The following PLEKHB1 variants were observed in gnomAD, a reference collection of about 807,000 sequenced individuals.
The protein encoded by PLEKHB1 is pleckstrin homology domain containing B1, also known as pleckstrin homology domain-containing family B member 1.
In PLEKHB1, 29 loss-of-function variants were observed where a neutral mutation model predicts 36.2. That is an observed-to-expected ratio of 0.80 (90% CI 0.60 to 1.09). PLEKHB1 has a LOEUF of 1.09. PLEKHB1 is among the 50% of genes least tolerant of loss of function. PLEKHB1 has a pLI of 0.00. For missense variants in PLEKHB1, 330 were observed against 348.2 expected (o/e 0.95, Z 0.42); for synonymous variants, 138 against 140.0 (o/e 0.99, Z 0.10).
In PLEKHB1 at chr11:73,661,627, C is replaced by G; in HGVS notation, c.*25C>G. Reference sequence around the variant, plus strand: ...AGCCCTGGGACTCGGAGCACTGACCCCTGCGCTTGGATTGCTAGACTCCTC... The same window carrying G: ...AGCCCTGGGACTCGGAGCACTGACCGCTGCGCTTGGATTGCTAGACTCCTC... On this transcript the variant is annotated 3_prime_UTR_variant, in exon 8 of 8. Transcript: ENST00000354190. The surrounding 1 kb of genome is among the most constrained non-coding windows in gnomAD (Gnocchi z 4.6). The G allele has an allele frequency of 6.5e-7, 1 of 1,546,404 alleles. No individual in the cohort carries two copies. The highest frequency in any genetic ancestry group is 8.7e-7 in the Non-Finnish European group (1 of 1,149,866).
At chr11:73,649,109 G>A (rs1231903807) in intron 2 of PLEKHB1, 22 bp downstream of exon 2, 15 of 1,579,774 alleles carry the variant, frequency 9.5e-6, no homozygotes, top group Non-Finnish European at 1.0e-5. Context: ...TGGGCCCCTG[G>A]TCCTGGGGCA....
chr11:73,650,752 C>T lies in PLEKHB1; in HGVS notation c.247+47C>T, dbSNP rs117211429. On this transcript the variant is annotated intron_variant, in intron 3 of 7. Transcript: ENST00000354190. Reference sequence around the variant, plus strand: ...TGTGGCACCGTGACTGTGGGCAGAGCCTCCCGCTGTCTCCGAGAACACTTG... The same window carrying T: ...TGTGGCACCGTGACTGTGGGCAGAGTCTCCCGCTGTCTCCGAGAACACTTG... The T allele has an allele frequency of 1.3e-5, 20 of 1,520,100 alleles. No individual in the cohort carries two copies. In the East Asian group the frequency reaches 2.4e-4, roughly 18 times the overall value. The allele number at this position is 1,520,100 out of a possible 1,614,324, so 94.2% of individuals were successfully genotyped here.
In PLEKHB1 at chr11:73,662,499, C is replaced by G. The variant is rs761484655; in HGVS notation, c.*897C>G. 6.6e-6 allele frequency: 1 copy of G among 152,552 alleles called. No individual in the cohort carries two copies. Among genetic ancestry groups the G allele is most frequent in the Non-Finnish European group, 1.5e-5 (1 of 68,136 alleles). The allele number at this position is 152,552 out of a possible 1,614,324, so 9.4% of individuals were successfully genotyped here. ...TGCCTCTCACACCAGGAGCTCGGCC[C>G]TCTCTTTGTAGCTGTGACTGTCACC... is the stretch of plus-strand genomic sequence containing the variant. On this transcript the variant is annotated 3_prime_UTR_variant, in exon 8 of 8. Transcript: ENST00000354190.
intron 6 of PLEKHB1, among the ~76,000 whole-genome samples, chr11:73,659,035 C>A (rs1335393437): frequency 3.9e-5 from 6 of 152,000 alleles, no homozygotes; most frequent in Non-Finnish European, 8.8e-5. Context: ...ACCAGCCTGG[C>A]GAACATGGTG....
In PLEKHB1 at chr11:73,655,880, C is replaced by A; in HGVS notation, c.468C>A (p.Ser156Arg). The stretch of plus-strand genomic sequence containing the variant: ...TCAGGTGTGTGACCCGCTCGTGGAG[C>A]CCCTGTAAGGTTGAGAGGCGGATCT... ...SKVRCVTRSW[S>R]PCKVERRIWV... Residue 156 changes from serine (S) to arginine (R), a missense_variant, in exon 6 of 8, where the codon AGC becomes AGA. Ser to Arg is a moderately radical substitution (Grantham distance 110, BLOSUM62 -1). Transcript: ENST00000354190. 1.2e-6 allele frequency: 2 copies of A among 1,613,814 alleles called. No individual in the cohort carries two copies. The highest frequency in any genetic ancestry group is 1.7e-6 in the Non-Finnish European group (2 of 1,179,864).
chr11:73,659,830 C>T (rs1351683677), intron 6 of PLEKHB1, among the ~76,000 whole-genome samples: 1 of 152,146 alleles, frequency 6.6e-6, no homozygotes, highest in Non-Finnish European at 1.5e-5. Context: ...GAGCTAATAC[C>T]TGCTTTAAGG....
chr11:73,657,086 T>G (rs1283962062), intron 6 of PLEKHB1, among the ~76,000 whole-genome samples: 1 of 151,972 alleles, frequency 6.6e-6, no homozygotes, highest in African/African-American at 2.4e-5. Flanking sequence ...GTGGTTGCAG[T>G]GAACCAAGAT....
At position 73,650,621 on chromosome 11, in the gene PLEKHB1, C is replaced by A. The variant is rs755040805; in HGVS notation, c.163C>A (p.His55Asn). The A allele has an allele frequency of 6.2e-7, 1 of 1,613,270 alleles. No individual in the cohort carries two copies. Among genetic ancestry groups the A allele is most frequent in the Non-Finnish European group, 8.5e-7 (1 of 1,179,646 alleles). Reference sequence around the variant, plus strand: ...GCTGGACGGGACCCTGGGATACTACCACGATGAGACAGCGCAGGACGAGGA... The same window carrying A: ...GCTGGACGGGACCCTGGGATACTACAACGATGAGACAGCGCAGGACGAGGA... ...LWLDGTLGYY[H>N]DETAQDEEDR... The change falls in exon 3 of 8, where the codon CAC (histidine) becomes AAC (asparagine). Residue 55 changes from histidine (H) to asparagine (N), a missense_variant. Transcript: ENST00000354190.
At chr11:73,655,691 G>A (rs893831394) in intron 5 of PLEKHB1, 112 bp from the exon 6 acceptor site, 1 of 837,110 alleles carries the variant, frequency 1.2e-6, no homozygotes, top group Non-Finnish European at 1.9e-6. Flanking sequence ...CAGCCCAGCT[G>A]GCGGAGGGCT....
rs967074212 is a variant in PLEKHB1 at position 73,654,776 on chromosome 11, G to A, written c.391-1027G>A. Among the ~76,000 whole-genome samples, 42 of 152,218 alleles carry A rather than the reference G, an allele frequency of 2.8e-4. 1 individual carries two copies. The highest frequency in any genetic ancestry group is 2.9e-5 in the Non-Finnish European group (2 of 68,034). On this transcript the variant is annotated intron_variant, in intron 5 of 7. Transcript: ENST00000354190. ...GCCTGGCTGGAGAGCAATTCATGAG[G>A]CGAATGAAACAGGAGAGATGACCTC... is the stretch of plus-strand genomic sequence containing the variant.
intron 6 of PLEKHB1, 61 bp downstream of exon 6, chr11:73,655,968 C>A: frequency 1.4e-6 from 2 of 1,394,724 alleles, no homozygotes; most frequent in Non-Finnish European, 2.0e-6. Context: ...CCTCCAAAAC[C>A]AGGCCCAGTC....
At chr11:73,649,289 A>G (rs1944837377) in intron 2 of PLEKHB1, among the ~76,000 whole-genome samples, 1 of 151,990 alleles carries the variant, frequency 6.6e-6, no homozygotes, top group East Asian at 1.9e-4. Flanking sequence ...CCCATCTCAG[A>G]TGGGCCCCTC....
chr11:73,660,411 C>G (rs1945081044), intron 6 of PLEKHB1: 1 of 256,884 alleles, frequency 3.9e-6, no homozygotes, highest in East Asian at 9.3e-5. Context: ...ACTAGTAGAG[C>G]TGGGTCTTTC....
rs1332159326 is a variant in PLEKHB1 at position 73,651,933 on chromosome 11, A to G, written c.350+43A>G. The G allele has an allele frequency of 1.9e-6, 3 of 1,561,194 alleles. No homozygotes were observed. The African/African-American group carries it at 4.1e-5, about 21-fold the overall frequency. ...GAGGATGGGGTGGAATCTCGGGGAAAGTTACCATGTGCCCCCTTCTCATTG... is the reference window on the plus strand; with the variant it reads ...GAGGATGGGGTGGAATCTCGGGGAAGGTTACCATGTGCCCCCTTCTCATTG... On this transcript the variant is annotated intron_variant, in intron 4 of 7. Transcript: ENST00000354190.
At chr11:73,653,433 G>C (rs1406469950) in intron 5 of PLEKHB1, 1 of 468,846 alleles carries the variant, frequency 2.1e-6, no homozygotes, top group Admixed American at 2.3e-5. Context: ...CTATGGGCCA[G>C]GTGGTGTGCC....
At position 73,650,423 on chromosome 11, in the gene PLEKHB1, G is replaced by A. The variant is rs1944862581; in HGVS notation, c.95-130G>A. On this transcript the variant is annotated intron_variant, in intron 2 of 7. Transcript: ENST00000354190. Reference sequence around the variant, plus strand: ...GAAAGAGGTCCTGCCCTCATTTCAGGGGGTAGACAAGAAAAAGGTGGTTGT... The same window carrying A: ...GAAAGAGGTCCTGCCCTCATTTCAGAGGGTAGACAAGAAAAAGGTGGTTGT... 2.9e-6 allele frequency: 3 copies of A among 1,023,492 alleles called. No homozygotes were observed. The South Asian group carries it at 5.2e-5, about 18-fold the overall frequency. The allele number at this position is 1,023,492 out of a possible 1,614,324, so 63.4% of individuals were successfully genotyped here.
rs964187735 is a variant in PLEKHB1 at position 73,646,595 on chromosome 11, G to T, written c.-14G>T. On this transcript the variant is annotated 5_prime_UTR_variant, in exon 1 of 8. Transcript: ENST00000354190. ...GAGCCTTCTGGGAAATGCTGCCCTG[G>T]CCACCCAGGAACCATGAGCCCTGCA... 8 of 1,551,412 alleles carry T rather than the reference G, an allele frequency of 5.2e-6. No homozygotes were observed. The African/African-American group carries it at 1.1e-4, about 21-fold the overall frequency.
intron 2 of PLEKHB1, among the ~76,000 whole-genome samples, chr11:73,649,358 C>G (rs1027086552): frequency 1.3e-5 from 2 of 152,138 alleles, no homozygotes; most frequent in Non-Finnish European, 1.5e-5. Context: ...GCAGTAGCGT[C>G]AAGCTGGATT....
At chr11:73,647,103 A>C (rs1170081327) in intron 1 of PLEKHB1, among the ~76,000 whole-genome samples, 1 of 152,094 alleles carries the variant, frequency 6.6e-6, no homozygotes, top group Non-Finnish European at 1.5e-5. Flanking sequence ...GGCACTCTTC[A>C]ACATCCTGAC....
Sources: gnomAD v4.1 joint callset for allele counts (sites outside exome capture counted in the v4.1 genomes callset) on GRCh38, gnomAD v4.1.1 for gene constraint, Gnocchi (gnomAD v3.1) non-coding constraint, MANE v1.5 for transcripts, NCBI Gene and HGNC (gene_info 2026-07-23, HGNC 2026-07-21) for gene names.